ZNF782: variants seen among roughly 807,000 people sequenced by gnomAD.
The protein encoded by ZNF782 is zinc finger protein 782.
In ZNF782, 12 loss-of-function variants were observed where a neutral mutation model predicts 13.0. That is an observed-to-expected ratio of 0.92 (90% confidence interval 0.59 to 1.50). The LOEUF (loss-of-function observed/expected upper bound fraction) is 1.50. ZNF782 is among the 40% of genes most tolerant of loss of function. The pLI is 0.00. For missense variants in ZNF782, 770 were observed against 822.9 expected, an observed-to-expected ratio of 0.94 and a Z score of 0.79; for synonymous variants, 284 against 283.0, an observed-to-expected ratio of 1.00 and a Z score of -0.04.
the ZNF782 span, among the ~76,000 whole-genome samples, chr9:96,898,577 C>T: frequency 3.4e-5 from 5 of 148,400 alleles, no homozygotes; most frequent in African/African-American, 1.0e-4. Flanking sequence ...GACACAGTCT[C>T]CCTCTATTGC....
chr9:96,918,301 T>C, the ZNF782 span, among the ~76,000 whole-genome samples: 2 of 147,534 alleles, frequency 1.4e-5, no homozygotes, highest in Admixed American at 6.8e-5. Context: ...CTTGGGAAGC[T>C]TGGGAAGCTG....
At chr9:96,844,350 A>G (rs1007530945) in intron 4 of ZNF782, among the ~76,000 whole-genome samples, 2 of 152,218 alleles carry the variant, frequency 1.3e-5, no homozygotes, top group Non-Finnish European at 1.5e-5. Context: ...CCGTATGTTG[A>G]CCAACTGATA....
At chr9:96,897,667 T>C in the ZNF782 span, among the ~76,000 whole-genome samples, 1 of 151,070 alleles carries the variant, frequency 6.6e-6, no homozygotes, top group East Asian at 2.0e-4. Flanking sequence ...CCCCTGAATA[T>C]GTGCTTGTCC....
At chr9:96,820,222 C>T (rs1240105379) in intron 5 of ZNF782, among the ~76,000 whole-genome samples, 1 of 152,156 alleles carries the variant, frequency 6.6e-6, no homozygotes, top group South Asian at 2.1e-4. Context: ...TAGGGAGTAA[C>T]GCTAGTCTAG....
the ZNF782 span, among the ~76,000 whole-genome samples, chr9:96,913,230 A>G: frequency 6.6e-6 from 1 of 151,992 alleles, no homozygotes; most frequent in African/African-American, 2.4e-5. Flanking sequence ...CAGGAGAACC[A>G]CTTGAACCTG....
chr9:96,834,029 T>C (rs886522635), intron 4 of ZNF782, among the ~76,000 whole-genome samples: 3 of 152,196 alleles, frequency 2.0e-5, no homozygotes, highest in Non-Finnish European at 4.4e-5. Context: ...TGATCCTTAA[T>C]GCAGTGTTGA....
chr9:96,856,035 A>G (rs1851637720), upstream of ZNF782, among the ~76,000 whole-genome samples: 1 of 151,982 alleles, frequency 6.6e-6, no homozygotes, highest in Non-Finnish European at 1.5e-5. Flanking sequence ...GGCCATTTGT[A>G]TATCTTTTTT....
At chr9:96,847,535 G>A (rs1232714933) in intron 3 of ZNF782, among the ~76,000 whole-genome samples, 3 of 151,982 alleles carry the variant, frequency 2.0e-5, no homozygotes, top group Non-Finnish European at 4.4e-5. Context: ...TACTATGAAC[G>A]CCTTCATGTG....
intron 2 of ZNF782, 134 bp downstream of exon 2, chr9:96,852,719 T>C (rs1851533271): frequency 1.3e-5 from 2 of 152,608 alleles, no homozygotes; most frequent in Admixed American, 6.5e-5. Context: ...GTAATATTAT[T>C]TACCCTTGGT....
At chr9:96,867,566 CG>C (rs1278569592) in intron 1 of ZNF782, among the ~76,000 whole-genome samples, 1 of 152,176 alleles carries the variant, frequency 6.6e-6, no homozygotes, top group Non-Finnish European at 1.5e-5. Flanking sequence ...TATCATAAAA[CG>C]GGTTTAGTCT....
At chr9:96,879,227 G>A (rs2118905807), upstream of ZNF782, among the ~76,000 whole-genome samples, 1 of 152,306 alleles carries the variant, frequency 6.6e-6, no homozygotes, top group African/African-American at 2.4e-5. Context: ...AGTGGCTCAC[G>A]CCTATAATCC....
the ZNF782 span, chr9:96,931,810 C>G: frequency 6.2e-7 from 1 of 1,611,954 alleles, no homozygotes; most frequent in South Asian, 1.1e-5. Context: ...CACCCTCTCC[C>G]GGCCCAACAC....
chr9:96,819,098 CT>C lies in ZNF782; in HGVS notation c.924del (p.Ile308MetfsTer3), dbSNP rs1563992347. The C allele has an allele frequency of 2.5e-6, 4 of 1,614,000 alleles. No homozygotes were observed. Among genetic ancestry groups the C allele is most frequent in the Non-Finnish European group, 3.4e-6 (4 of 1,180,018 alleles). ...SHIREHHRVHIGVKPFEYGKS... is the reference protein window; with the variant it reads ...SHIREHHRVHXGVKPFEYGKS... ...TTTCCATATTCAAAGGGTTTCACCC[CT>C]ATATGAACTCTATGATGTTCTCTAA... On this transcript the variant is annotated frameshift_variant, in exon 6 of 6. Transcript: ENST00000481138. LOFTEE classifies it low-confidence loss of function (END_TRUNC).
intron 5 of ZNF782, among the ~76,000 whole-genome samples, chr9:96,824,553 A>G (rs1223957487): frequency 2.0e-5 from 3 of 151,102 alleles, no homozygotes; most frequent in South Asian, 4.3e-4. Context: ...AGTTCTGGCC[A>G]GGGCAATTAG....
chr9:96,843,296 A>C (rs1851242676), intron 4 of ZNF782, among the ~76,000 whole-genome samples: 1 of 152,214 alleles, frequency 6.6e-6, no homozygotes, highest in South Asian at 2.1e-4. Context: ...ATGTCCTTTA[A>C]TAGGTGAATG....
rs1454335223 is a variant in ZNF782, at chr9:96,862,569, G to A, written c.-456-966C>T. 3.3e-5 allele frequency among the ~76,000 whole-genome samples: 5 copies of A among 152,292 alleles called. No homozygotes were observed. The South Asian group carries it at 8.3e-4, about 25-fold the overall frequency. On this transcript the variant is annotated intron_variant, in intron 1 of 5. Transcript: ENST00000498811. ...CACACTGTATATTTACAAGTGAAGC[G>A]AGGCTTCTTGTGACTAAGAAGAGAC...
chr9:96,844,789 T>C, intron 4 of ZNF782, 101 bp downstream of exon 4: 1 of 1,544,760 alleles, frequency 6.5e-7, no homozygotes, highest in Non-Finnish European at 8.9e-7. Context: ...AAAACCAGAA[T>C]TGCACTGTAG....
intron 4 of ZNF782, among the ~76,000 whole-genome samples, chr9:96,835,325 C>T (rs1036527235): frequency 6.6e-6 from 1 of 152,106 alleles, no homozygotes. Context: ...GCAGCCTGGC[C>T]GTGTGGAAGA....
At chr9:96,837,859 C>G (rs1851050020) in intron 4 of ZNF782, among the ~76,000 whole-genome samples, 1 of 152,168 alleles carries the variant, frequency 6.6e-6, no homozygotes, top group African/African-American at 2.4e-5. Context: ...GTAGCTGGAA[C>G]TACTGGCACA....
Sources: allele counts gnomAD v4.1 joint callset (sites outside exome capture counted in the v4.1 genomes callset), GRCh38; gene constraint gnomAD v4.1.1; transcripts MANE v1.5; gene names NCBI Gene and HGNC (gene_info 2026-07-23, HGNC 2026-07-21).